Variants in ACSS3 observed in about 807,000 individuals in gnomAD.
The protein encoded by ACSS3 is acyl-CoA synthetase short chain family member 3, also known as acyl-CoA synthetase short-chain family member 3, mitochondrial.
Under a neutral mutation model 84.2 loss-of-function variants are expected in ACSS3, and 64 were observed. The observed-to-expected ratio is 0.76, with a 90% CI of 0.62 to 0.94. The LOEUF is 0.94. ACSS3 is among the 40% of genes least tolerant of loss of function. ACSS3 has a pLI of 0.00. For missense variants in ACSS3, 815 were observed against 867.6 expected, an observed-to-expected ratio of 0.94 and a Z score of 0.76; for synonymous variants, 317 against 310.1, an observed-to-expected ratio of 1.02 and a Z score of -0.23.
intron 7 of ACSS3, among the ~76,000 whole-genome samples, chr12:81,173,656 A>G (rs903888991): frequency 6.6e-6 from 1 of 152,052 alleles, no homozygotes; most frequent in Admixed American, 6.6e-5. Context: ...TCATGATATC[A>G]TCATTTTTTT....
At chr12:81,207,969 A>G (rs2032420546) in intron 9 of ACSS3, among the ~76,000 whole-genome samples, 1 of 152,106 alleles carries the variant, frequency 6.6e-6, no homozygotes, top group Non-Finnish European at 1.5e-5. Context: ...CAAAGAAGCA[A>G]CCTATAGGTT....
In ACSS3 at chr12:81,255,172, G is replaced by A. The variant is rs992090868; in HGVS notation, c.*250G>A. 2 of 317,232 alleles carry A rather than the reference G, an allele frequency of 6.3e-6. No homozygotes were observed. The highest frequency in any genetic ancestry group is 4.3e-5 in the African/African-American group (2 of 46,286). 19.7% of individuals were successfully genotyped at this position (317,232 alleles called of 1,614,324 possible). On this transcript the variant is annotated 3_prime_UTR_variant, in exon 16 of 16. Coordinates refer to ENST00000548058, the MANE Select transcript of ACSS3 (RefSeq NM_024560.4). Reference sequence around the variant, plus strand: ...TATTGAATGTCATCTACTGCTTTAGGAAAAACGTATCTAGTGTATTATTTT... The same window carrying A: ...TATTGAATGTCATCTACTGCTTTAGAAAAAACGTATCTAGTGTATTATTTT...
chr12:81,222,379 C>G (rs918794517), intron 11 of ACSS3, among the ~76,000 whole-genome samples: 2 of 152,024 alleles, frequency 1.3e-5, no homozygotes, highest in East Asian at 3.9e-4. Context: ...CTCCTGCTCT[C>G]TCTTTAACAA....
intron 13 of ACSS3, among the ~76,000 whole-genome samples, chr12:81,244,565 T>C (rs978382417): frequency 5.3e-5 from 8 of 152,152 alleles, no homozygotes; most frequent in Admixed American, 4.6e-4. Context: ...TTCTTTTCCA[T>C]CTTTTTTCTC....
chr12:81,211,390 G>A (rs1197789760), intron 9 of ACSS3, among the ~76,000 whole-genome samples: 2 of 152,150 alleles, frequency 1.3e-5, no homozygotes, highest in African/African-American at 4.8e-5. Flanking sequence ...GTAGATTAAG[G>A]ATTTTTTATA....
In ACSS3 at chr12:81,214,317, C is replaced by T. The variant is rs111819143; in HGVS notation, c.1355-2584C>T. On this transcript the variant is annotated intron_variant, in intron 9 of 15. Coordinates refer to ENST00000548058, the MANE Select transcript of ACSS3 (RefSeq NM_024560.4). ...CTGGAATTACAGGCATGAGCCACTA[C>T]GCCCAGCCAGCAATAGTTCTTTTTC... Among the ~76,000 whole-genome samples the T allele has an allele frequency of 5.6e-3, 847 of 152,162 alleles. 9 individuals carry two copies. Among genetic ancestry groups the T allele is most frequent in the African/African-American group, 0.019 (779 of 41,536 alleles).
rs762189260 is a variant in ACSS3, at chr12:81,199,390, G to C, written c.1300G>C (p.Glu434Gln). 1.2e-6 allele frequency: 2 copies of C among 1,613,692 alleles called. No homozygotes were observed. Among genetic ancestry groups the C allele is most frequent in the Non-Finnish European group, 1.7e-6 (2 of 1,179,764 alleles). ...AGAACGATGTGATGTAGAGACCCTG[G>C]AATGGTCCAAAAATGTCTTCAGAGT... ...AGERCDVETL[E>Q]WSKNVFRVPV... The change falls in exon 9 of 16, where the codon GAA becomes CAA. Residue 434 changes from glutamate to glutamine, a missense_variant. Coordinates refer to ENST00000548058, the MANE Select transcript of ACSS3 (RefSeq NM_024560.4).
At position 81,199,243 on chromosome 12, in the gene ACSS3, G is replaced by A. The variant is rs898285718; in HGVS notation, c.1251-98G>A. ...ATTGGTTATATTGCTGTATTCCTCT[G>A]ACATAATGAGTGTGGTTAACCAATG... On this transcript the variant is annotated intron_variant, in intron 8 of 15. Coordinates refer to ENST00000548058, the MANE Select transcript of ACSS3 (RefSeq NM_024560.4). 12 of 1,034,712 alleles carry A rather than the reference G, an allele frequency of 1.2e-5. No homozygotes were observed. In the African/African-American group the frequency reaches 1.9e-4, roughly 17 times the overall value. The allele number at this position is 1,034,712 out of a possible 1,614,324, so 64.1% of individuals were successfully genotyped here. A position where few individuals can be genotyped will look rare whatever the true frequency, so the allele number is the denominator to read the frequency against.
At chr12:81,114,964 C>G (rs895624348) in intron 2 of ACSS3, among the ~76,000 whole-genome samples, 1 of 152,112 alleles carries the variant, frequency 6.6e-6, no homozygotes, top group Admixed American at 6.6e-5. Flanking sequence ...TAAAGGTTTA[C>G]CTGCTTTTGA....
intron 9 of ACSS3, among the ~76,000 whole-genome samples, chr12:81,201,849 G>T (rs1428951171): frequency 3.3e-5 from 5 of 152,108 alleles, no homozygotes; most frequent in Non-Finnish European, 5.9e-5. Flanking sequence ...AGATTATTTT[G>T]TGCTTTGTAA....
intron 9 of ACSS3, among the ~76,000 whole-genome samples, chr12:81,213,808 C>CTTCTCTTCTCTTCTT (rs2032737994): frequency 2.1e-5 from 1 of 47,182 alleles, no homozygotes; most frequent in Admixed American, 2.0e-4. Flanking sequence ...CTTCTCTTCT[C>CTTCTCTTCTCTTCTT]TTCTCTTCTC....
intron 2 of ACSS3, among the ~76,000 whole-genome samples, chr12:81,132,267 T>C (rs1033389373): frequency 2.6e-5 from 4 of 152,190 alleles, no homozygotes; most frequent in African/African-American, 7.2e-5. Context: ...TGGACTTTTT[T>C]TTGGTTGGTA....
chr12:81,146,806 A>C (rs1224521921), intron 5 of ACSS3, among the ~76,000 whole-genome samples: 1 of 152,152 alleles, frequency 6.6e-6, no homozygotes, highest in Non-Finnish European at 1.5e-5. Flanking sequence ...GGTATGGGAG[A>C]TTTAGTGATT....
intron 2 of ACSS3, among the ~76,000 whole-genome samples, chr12:81,131,483 C>T (rs1885499090): frequency 6.6e-6 from 1 of 152,134 alleles, no homozygotes; most frequent in South Asian, 2.1e-4. Flanking sequence ...ATTTTGTATC[C>T]TAAGACTCTG....
At chr12:81,212,123 A>G (rs2032616962) in intron 9 of ACSS3, among the ~76,000 whole-genome samples, 1 of 152,162 alleles carries the variant, frequency 6.6e-6, no homozygotes, top group African/African-American at 2.4e-5. Context: ...ATGACATTTC[A>G]TACTCAGTTT....
chr12:81,135,423 A>G (rs1885746739), intron 3 of ACSS3, among the ~76,000 whole-genome samples: 2 of 142,764 alleles, frequency 1.4e-5, no homozygotes, highest in Non-Finnish European at 1.5e-5. Context: ...TAATATATAA[A>G]TATATATAAT....
At chr12:81,133,446 C>T (rs1885628255) in intron 2 of ACSS3, among the ~76,000 whole-genome samples, 1 of 152,260 alleles carries the variant, frequency 6.6e-6, no homozygotes, top group South Asian at 2.1e-4. Context: ...GTTTCTTCTC[C>T]AGGCCCCTGG....
intron 9 of ACSS3, among the ~76,000 whole-genome samples, chr12:81,206,075 G>A (rs1018103040): frequency 1.3e-5 from 2 of 152,098 alleles, no homozygotes; most frequent in Non-Finnish European, 2.9e-5. Context: ...ACAGCCATTA[G>A]CAAATATTCC....
chr12:81,213,592 C>CTTTCTTTCTTTCTT (rs2032694749), intron 9 of ACSS3, among the ~76,000 whole-genome samples: 1 of 13,806 alleles, frequency 7.2e-5, no homozygotes, highest in Non-Finnish European at 1.5e-4. Flanking sequence ...CTCCCCTCCC[C>CTTTCTTTCTTTCTT]TCCCCTCCCC....
Sources: allele counts gnomAD v4.1 joint callset (sites outside exome capture counted in the v4.1 genomes callset), GRCh38; gene constraint gnomAD v4.1.1; transcripts MANE v1.5; gene names NCBI Gene and HGNC (gene_info 2026-07-23, HGNC 2026-07-21).